The following TMEM132D variants were observed in gnomAD, a reference collection of about 807,000 sequenced individuals.
TMEM132D encodes transmembrane protein 132D, also known as mature OL transmembrane protein.
A neutral mutation model predicts 62.3 loss-of-function variants in TMEM132D; 21 were observed. The ratio of observed to expected loss-of-function variants is 0.34; its 90% CI spans 0.24 to 0.49. The LOEUF is 0.49. TMEM132D is among the 20% of genes least tolerant of loss of function. The pLI is 0.99. For synonymous variants in TMEM132D, 621 were observed against 575.6 expected, an observed-to-expected ratio of 1.08 and a Z score of -1.13; for missense variants, 1,346 against 1,402.8, an observed-to-expected ratio of 0.96 and a Z score of 0.65.
At chr12:129,163,374 C>T (rs1877452076) in intron 5 of TMEM132D, among the ~76,000 whole-genome samples, 3 of 152,134 alleles carry the variant, frequency 2.0e-5, no homozygotes. Context: ...CATCTTCTGC[C>T]TCTGCAGATT....
chr12:129,687,432 C>T (rs573554992), intron 2 of TMEM132D, among the ~76,000 whole-genome samples: 23 of 151,720 alleles, frequency 1.5e-4, no homozygotes, highest in African/African-American at 4.8e-4. Flanking sequence ...TGAGAGCTCC[C>T]GGAATTATCT....
At chr12:129,752,349 G>A (rs1351031716) in intron 1 of TMEM132D, among the ~76,000 whole-genome samples, 2 of 152,124 alleles carry the variant, frequency 1.3e-5, no homozygotes, top group African/African-American at 4.8e-5. Flanking sequence ...GTCTCTTTGT[G>A]AATACTATTC....
intron 5 of TMEM132D, among the ~76,000 whole-genome samples, chr12:129,089,837 G>A (rs1014969149): frequency 5.9e-5 from 9 of 152,238 alleles, no homozygotes; most frequent in Non-Finnish European, 1.2e-4. Flanking sequence ...GGGCAGGGAA[G>A]GGGCGTAGAC....
At position 129,425,812 on chromosome 12, in the gene TMEM132D, G is replaced by A. The variant is rs77567622; in HGVS notation, c.1116-87995C>T. ...AGATCCATGTGAAGTAGTGATAATC[G>A]TCTCTAGTCTACAGACTTGGAGACT... On this transcript the variant is annotated intron_variant, in intron 3 of 8. Transcript: ENST00000422113. Among the ~76,000 whole-genome samples the A allele has an allele frequency of 3.2e-3, 483 of 152,290 alleles. 3 individuals carry two copies. Among genetic ancestry groups the A allele is most frequent in the African/African-American group, 0.011 (447 of 41,564 alleles).
intron 1 of TMEM132D, among the ~76,000 whole-genome samples, chr12:129,780,493 C>T (rs1025127133): frequency 2.6e-5 from 4 of 152,070 alleles, no homozygotes; most frequent in African/African-American, 9.7e-5. Flanking sequence ...TCCTGGATAG[C>T]GACCTTTGTG....
chr12:129,299,572 A>G (rs553701741), intron 4 of TMEM132D, among the ~76,000 whole-genome samples: 171 of 151,650 alleles, frequency 1.1e-3, no homozygotes, highest in African/African-American at 3.6e-3. Flanking sequence ...GTATGTGACA[A>G]TTCATGGGAG....
chr12:129,837,855 G>A (rs550201137), intron 1 of TMEM132D, among the ~76,000 whole-genome samples: 78 of 152,264 alleles, frequency 5.1e-4, no homozygotes, highest in African/African-American at 1.8e-3. Context: ...AAATGAAAAA[G>A]TCAAATAAAA....
intron 4 of TMEM132D, among the ~76,000 whole-genome samples, chr12:129,232,817 GAGAGAGAGATAA>G (rs1343237868): frequency 6.6e-6 from 1 of 151,442 alleles, no homozygotes; most frequent in African/African-American, 2.4e-5. Context: ...GATGGCAGGA[GAGAGAGAGATAA>G]AGAGAGAGAG....
rs1198051200 is a variant in TMEM132D at position 129,779,621 on chromosome 12, C to A, written c.80-78923G>T. On this transcript the variant is annotated intron_variant, in intron 1 of 8. Transcript: ENST00000422113. This position sits in a 1 kb window ranked among gnomAD's most constrained non-coding sequence, Gnocchi z 4.1. ...TTGTTTTGGGTTTTTTTGTTTGTTT[C>A]TTTTGTTTCTTGAAAGGAAGAAGAG... is the stretch of plus-strand genomic sequence containing the variant. 6.6e-6 allele frequency among the ~76,000 whole-genome samples: 1 copy of A among 152,036 alleles called. No homozygotes were observed. Among genetic ancestry groups the A allele is most frequent in the Non-Finnish European group, 1.5e-5 (1 of 68,012 alleles).
intron 2 of TMEM132D, among the ~76,000 whole-genome samples, chr12:129,581,776 C>A (rs569338327): frequency 6.6e-6 from 1 of 152,322 alleles, no homozygotes; most frequent in African/African-American, 2.4e-5. Context: ...GTAATGCCCT[C>A]ACAGACACAC....
At chr12:129,670,133 T>A (rs1880469923) in intron 2 of TMEM132D, among the ~76,000 whole-genome samples, 2 of 152,210 alleles carry the variant, frequency 1.3e-5, no homozygotes, top group Admixed American at 1.3e-4. Context: ...GTGAAAGAGA[T>A]CTAACTTAAC....
At chr12:129,563,416 T>A (rs531988415) in intron 2 of TMEM132D, among the ~76,000 whole-genome samples, 1 of 152,334 alleles carries the variant, frequency 6.6e-6, no homozygotes, top group South Asian at 2.1e-4. Context: ...TATAGATGGA[T>A]ATCTTTTCCC....
chr12:129,509,330 C>T (rs551871904), intron 3 of TMEM132D, among the ~76,000 whole-genome samples: 1 of 151,880 alleles, frequency 6.6e-6, no homozygotes, highest in African/African-American at 2.4e-5. Flanking sequence ...TAAGTGCACA[C>T]CTTAGTTTTT....
intron 1 of TMEM132D, among the ~76,000 whole-genome samples, chr12:129,792,488 G>A (rs1388566194): frequency 1.3e-5 from 2 of 152,186 alleles, no homozygotes; most frequent in African/African-American, 4.8e-5. Flanking sequence ...TCCATGGATT[G>A]TCTCATTCAT....
chr12:129,240,709 A>G (rs540406724), intron 4 of TMEM132D, among the ~76,000 whole-genome samples: 1 of 152,322 alleles, frequency 6.6e-6, no homozygotes, highest in African/African-American at 2.4e-5. Flanking sequence ...AGGCGCTGGA[A>G]CGTGTTCATA....
At chr12:129,901,869 C>A (rs547083863) in intron 1 of TMEM132D, among the ~76,000 whole-genome samples, 1 of 102,872 alleles carries the variant, frequency 9.7e-6, no homozygotes, top group Non-Finnish European at 2.3e-5. Context: ...CAACCCCCCC[C>A]GCCCCAAAAA....
intron 3 of TMEM132D, among the ~76,000 whole-genome samples, chr12:129,399,181 C>A (rs1325480605): frequency 6.7e-6 from 1 of 148,490 alleles, no homozygotes; most frequent in African/African-American, 2.6e-5. Context: ...CAACTCACTT[C>A]TGCAATAGCT....
intron 3 of TMEM132D, among the ~76,000 whole-genome samples, chr12:129,483,864 A>G (rs1475140986): frequency 6.6e-6 from 1 of 152,208 alleles, no homozygotes; most frequent in Non-Finnish European, 1.5e-5. Context: ...AAATATCTGC[A>G]TTTCTCAATG....
intron 1 of TMEM132D, among the ~76,000 whole-genome samples, chr12:129,902,903 C>T (rs893792954): frequency 1.3e-5 from 2 of 152,248 alleles, no homozygotes; most frequent in African/African-American, 4.8e-5. Flanking sequence ...CCTCCTCCCC[C>T]GACAGCCGGC....
Sources: allele counts gnomAD v4.1 joint callset (sites outside exome capture counted in the v4.1 genomes callset), GRCh38; gene constraint gnomAD v4.1.1; non-coding constraint Gnocchi (gnomAD v3.1); transcripts MANE v1.5; gene names NCBI Gene and HGNC (gene_info 2026-07-23, HGNC 2026-07-21).